SCIN: variants seen among roughly 807,000 people sequenced by gnomAD.
SCIN encodes scinderin.
In SCIN, 91 loss-of-function variants were observed where a neutral mutation model predicts 91.8. The observed-to-expected ratio is 0.99, with a 90% confidence interval of 0.84 to 1.18. SCIN has a LOEUF of 1.18. SCIN is among the 50% of genes most tolerant of loss of function. The pLI, the probability that SCIN is intolerant of heterozygous loss-of-function variation, is 0.00. For synonymous variants in SCIN, 367 were observed against 312.6 expected (o/e 1.17, Z -1.84); for missense variants, 1,087 against 863.9 (o/e 1.26, Z -3.24).
rs1028028030 is a variant in SCIN at position 12,604,511 on chromosome 7, T to G, written c.517-3T>G. ...GGTCAACAGATCTGTCTCTTTCTTT[T>G]AGGAAATTTATCAGTGGTGTGGTTC... On this transcript the variant is annotated splice_polypyrimidine_tract_variant and splice_region_variant and intron_variant, in intron 3 of 15. Coordinates refer to ENST00000297029, the MANE Select transcript of SCIN (RefSeq NM_001112706.3). 8.4e-6 allele frequency: 13 copies of G among 1,551,406 alleles called. No homozygotes were observed. In the African/African-American group the frequency reaches 1.5e-4, roughly 18 times the overall value.
At chr7:12,613,141 T>C (rs1489100119) in intron 4 of SCIN, among the ~76,000 whole-genome samples, 1 of 152,140 alleles carries the variant, frequency 6.6e-6, no homozygotes. Flanking sequence ...AATATTGAAC[T>C]ATAATGGCAG....
intron 10 of SCIN, among the ~76,000 whole-genome samples, chr7:12,640,146 G>A (rs937932347): frequency 6.6e-6 from 1 of 152,112 alleles, no homozygotes; most frequent in African/African-American, 2.4e-5. Context: ...CCGTGCCTGC[G>A]ATAACAAAAG....
chr7:12,636,399 T>C (rs1224885355), intron 10 of SCIN, among the ~76,000 whole-genome samples: 1 of 152,220 alleles, frequency 6.6e-6, no homozygotes, highest in Non-Finnish European at 1.5e-5. Context: ...TCACACCCTA[T>C]GTCAATGATA....
At chr7:12,574,061 A>G (rs1782321667) in intron 1 of SCIN, among the ~76,000 whole-genome samples, 1 of 152,176 alleles carries the variant, frequency 6.6e-6, no homozygotes, top group South Asian at 2.1e-4. Flanking sequence ...ATTCCAGAAA[A>G]ATGAAGTTTT....
intron 3 of SCIN, among the ~76,000 whole-genome samples, chr7:12,601,223 C>G (rs978093792): frequency 1.2e-4 from 19 of 152,158 alleles, no homozygotes; most frequent in Admixed American, 1.2e-3. Context: ...GTCAGAGAGA[C>G]TATTGCAAGC....
chr7:12,640,953 A>G (rs1297471208), intron 11 of SCIN, among the ~76,000 whole-genome samples: 5 of 152,208 alleles, frequency 3.3e-5, no homozygotes, highest in Non-Finnish European at 7.3e-5. Context: ...ACCATAACTG[A>G]ACTGGCCCCA....
At chr7:12,633,723 G>T (rs1051903077) in intron 9 of SCIN, among the ~76,000 whole-genome samples, 15 of 152,208 alleles carry the variant, frequency 9.9e-5, no homozygotes, top group Admixed American at 9.2e-4. Context: ...ACAGCTGGAA[G>T]CGAGAACTCA....
At chr7:12,599,628 A>C (rs1782916943) in intron 3 of SCIN, among the ~76,000 whole-genome samples, 1 of 152,100 alleles carries the variant, frequency 6.6e-6, no homozygotes. Context: ...AGTAGTTTAC[A>C]TTCCCAGCAA....
chr7:12,637,568 TAAG>T (rs948528203), intron 10 of SCIN, among the ~76,000 whole-genome samples: 6 of 139,762 alleles, frequency 4.3e-5, no homozygotes, highest in African/African-American at 1.3e-4. Context: ...ATGAGACAAG[TAAG>T]GAGGAGAGGA....
At position 12,571,005 on chromosome 7, in the gene SCIN, G is replaced by A. The variant is rs530131312; in HGVS notation, c.199+20G>A. On this transcript the variant is annotated intron_variant, in intron 1 of 15. Coordinates refer to ENST00000297029, the MANE Select transcript of SCIN (RefSeq NM_001112706.3). Reference sequence around the variant, plus strand: ...GGCTCGGTAAGGGACGGCGGGCGGCGGGACCCCGACGCACCAAGGCCGGCG... The same window carrying A: ...GGCTCGGTAAGGGACGGCGGGCGGCAGGACCCCGACGCACCAAGGCCGGCG... 1.3e-6 allele frequency: 2 copies of A among 1,542,462 alleles called. No homozygotes were observed. Among genetic ancestry groups the A allele is most frequent in the East Asian group, 2.5e-5 (1 of 40,716 alleles).
At chr7:12,571,617 CAGAT>C (rs1224665495) in intron 1 of SCIN, 2 of 463,656 alleles carry the variant, frequency 4.3e-6, no homozygotes, top group East Asian at 1.4e-4. Flanking sequence ...CTGGCGTCCT[CAGAT>C]AGAAGTAAGA....
At chr7:12,571,503 C>G (rs555942657) in intron 1 of SCIN, 17 of 401,878 alleles carry the variant, frequency 4.2e-5, no homozygotes, top group African/African-American at 3.4e-4. Context: ...CTTATTTTCT[C>G]TATGATTGCG....
At chr7:12,583,862 A>G (rs1413741544) in intron 3 of SCIN, among the ~76,000 whole-genome samples, 1 of 152,132 alleles carries the variant, frequency 6.6e-6, no homozygotes, top group East Asian at 1.9e-4. Flanking sequence ...TTTTTATTTT[A>G]TATAGTTAAT....
rs762354323 is a variant in SCIN, at chr7:12,644,629, C to T, written c.1805C>T (p.Ser602Leu). Reference protein sequence around the residue: ...SLGGKKDYQTSPLLETQAEDH... With the variant: ...SLGGKKDYQTLPLLETQAEDH... ...GGAGGGAAAAAAGACTACCAGACCTCACCACTACTGGAAACCCAGGCTGAA... is the reference window on the plus strand; with the variant it reads ...GGAGGGAAAAAAGACTACCAGACCTTACCACTACTGGAAACCCAGGCTGAA... The change falls in exon 13 of 16, where the codon TCA becomes TTA. Residue 602 changes from serine (S) to leucine (L), a missense_variant. Physicochemically the swap from Ser to Leu is moderately radical, Grantham distance 145. Coordinates refer to ENST00000297029, the MANE Select transcript of SCIN (RefSeq NM_001112706.3). 3 of 1,606,878 alleles carry T rather than the reference C, an allele frequency of 1.9e-6. No homozygotes were observed. The highest frequency in any genetic ancestry group is 2.5e-6 in the Non-Finnish European group (3 of 1,176,622).
chr7:12,641,421 C>G (rs1783857042), intron 11 of SCIN, among the ~76,000 whole-genome samples: 1 of 152,126 alleles, frequency 6.6e-6, no homozygotes, highest in Non-Finnish European at 1.5e-5. Flanking sequence ...CCCTGCTCAC[C>G]CTTACCTCTT....
intron 14 of SCIN, among the ~76,000 whole-genome samples, chr7:12,649,960 G>A (rs890773385): frequency 2.0e-5 from 3 of 150,918 alleles, no homozygotes; most frequent in African/African-American, 7.3e-5. Flanking sequence ...CCCTGGGGAA[G>A]AAACAGGCAG....
At chr7:12,620,483 A>G (rs1583303881) in intron 4 of SCIN, among the ~76,000 whole-genome samples, 2 of 152,122 alleles carry the variant, frequency 1.3e-5, no homozygotes, top group Admixed American at 6.6e-5. Context: ...TTCACTTAGC[A>G]TAATATACAA....
At position 12,578,149 on chromosome 7, in the gene SCIN, G is replaced by A. The variant is rs978816147; in HGVS notation, c.285G>A (p.Gln95=). 6 of 1,551,364 alleles carry A rather than the reference G, an allele frequency of 3.9e-6. No individual in the cohort carries two copies. In the African/African-American group the frequency reaches 8.2e-5, roughly 21 times the overall value. Residue 95 remains glutamine (Q), a synonymous_variant, in exon 2 of 16, where the codon CAG becomes CAA. Transcript: ENST00000297029. The part of the protein sequence containing the change: ...MDDYLGGKPV[Q]NRELQGYESN... The stretch of plus-strand genomic sequence containing the variant: ...ACTATTTGGGTGGCAAGCCAGTGCA[G>A]AATAGAGAACTTCAAGGATATGAGT...
chr7:12,641,370 CA>C (rs1338173099), intron 11 of SCIN, among the ~76,000 whole-genome samples: 1 of 152,150 alleles, frequency 6.6e-6, no homozygotes, highest in Admixed American at 6.5e-5. Context: ...TCCCAAGACC[CA>C]CTCACCATGG....
Sources: gnomAD v4.1 joint callset for allele counts (sites outside exome capture counted in the v4.1 genomes callset) on GRCh38, gnomAD v4.1.1 for gene constraint, MANE v1.5 for transcripts, NCBI Gene and HGNC (gene_info 2026-07-23, HGNC 2026-07-21) for gene names.